Variants in ACSL3 observed in about 807,000 individuals in gnomAD.
ACSL3 encodes the protein acyl-CoA synthetase long chain family member 3, also known as fatty acid CoA ligase Acsl3.
Under a neutral mutation model 84.7 loss-of-function variants are expected in ACSL3, and 34 were observed. The ratio of observed to expected loss-of-function variants is 0.40; its 90% confidence interval spans 0.31 to 0.53. The LOEUF (loss-of-function observed/expected upper bound fraction) is 0.53. Ranked by LOEUF, ACSL3 falls within the 20% of genes least tolerant of loss-of-function variation. The probability of loss-of-function intolerance (pLI) is 0.48; values close to 1 mark genes in which losing one functional copy is unlikely to be tolerated. For synonymous variants in ACSL3, 315 were observed against 299.4 expected (o/e 1.05, Z -0.54); for missense variants, 680 against 873.1 (o/e 0.78, Z 2.79).
chr2:222,861,671 C>T (rs911875965), intron 1 of ACSL3: 4 of 152,246 alleles, frequency 2.6e-5, no homozygotes, highest in Admixed American at 2.0e-4. Context: ...GAGACTCAGC[C>T]CTGCGATTTC....
intron 8 of ACSL3, 147 bp downstream of exon 8, chr2:222,921,577 T>C (rs961576218): frequency 1.4e-5 from 10 of 720,706 alleles, no homozygotes; most frequent in Admixed American, 5.9e-5. Context: ...AAAAAGGACA[T>C]TAAAATTAAT....
chr2:222,880,474 T>A (rs1387073594), intron 1 of ACSL3, among the ~76,000 whole-genome samples: 1 of 152,140 alleles, frequency 6.6e-6, no homozygotes, highest in African/African-American at 2.4e-5. Context: ...AACTTGCGTT[T>A]GCTATTGTGA....
At chr2:222,932,087 A>G (rs1044098788) in intron 14 of ACSL3, among the ~76,000 whole-genome samples, 4 of 152,214 alleles carry the variant, frequency 2.6e-5, no homozygotes, top group African/African-American at 7.2e-5. Flanking sequence ...CTCACTTGCA[A>G]GAATTTTTTC....
chr2:222,938,941 A>G (rs1160634597), intron 16 of ACSL3, among the ~76,000 whole-genome samples: 3 of 151,770 alleles, frequency 2.0e-5, no homozygotes, highest in African/African-American at 7.3e-5. Context: ...TTGGTTCCAG[A>G]ATTTCTATTT....
At chr2:222,867,752 G>A (rs768318926) in intron 1 of ACSL3, among the ~76,000 whole-genome samples, 18 of 151,860 alleles carry the variant, frequency 1.2e-4, no homozygotes, top group Non-Finnish European at 1.8e-4. Context: ...CATTATTACC[G>A]TTAAGTATTA....
At chr2:222,937,203 G>A (rs200955788) in intron 16 of ACSL3, among the ~76,000 whole-genome samples, 1 of 5,422 alleles carries the variant, frequency 1.8e-4, no homozygotes, top group Non-Finnish European at 2.7e-4. Flanking sequence ...AAATGGTATT[G>A]TTTTCTTAAT....
chr2:222,919,387 T>C (rs1574555407), intron 7 of ACSL3, 185 bp downstream of exon 7: 1 of 468,470 alleles, frequency 2.1e-6, no homozygotes, highest in Non-Finnish European at 3.6e-6. Context: ...AGGAAAAATA[T>C]AAACATTAAT....
chr2:222,862,707 T>C lies in ACSL3; in HGVS notation c.-207+1449T>C, dbSNP rs1317278542. ...TAGACTTTTCCTGGTTTCTCTTTTG[T>C]ATAAAAATATTGGTTTTGTAGGATG... On this transcript the variant is annotated intron_variant, in intron 1 of 16. Coordinates refer to ENST00000357430, the MANE Select transcript of ACSL3 (RefSeq NM_004457.5). 9.2e-5 allele frequency among the ~76,000 whole-genome samples: 9 copies of C among 98,168 alleles called. No homozygotes were observed. The East Asian group carries it at 1.8e-3, about 20-fold the overall frequency. 64.4% of individuals were successfully genotyped at this position (98,168 alleles called of 152,430 possible). A position where few individuals can be genotyped will look rare whatever the true frequency, so the allele number is the denominator to read the frequency against.
At chr2:222,861,742 G>A (rs2106074797) in intron 1 of ACSL3, 1 of 152,566 alleles carries the variant, frequency 6.6e-6, no homozygotes, top group South Asian at 2.1e-4. Context: ...GAAGAAACTA[G>A]GTGCGTGAGG....
intron 13 of ACSL3, 51 bp downstream of exon 13, chr2:222,928,987 G>GAAAATTA (rs1162586858): frequency 7.0e-7 from 1 of 1,438,384 alleles, no homozygotes; most frequent in African/African-American, 1.4e-5. Context: ...TATTAAACTT[G>GAAAATTA]AAAATTAGTG....
intron 3 of ACSL3, among the ~76,000 whole-genome samples, chr2:222,904,084 C>A (rs1696229768): frequency 2.6e-5 from 4 of 152,168 alleles, no homozygotes; most frequent in African/African-American, 7.2e-5. Flanking sequence ...AGACCAGCCT[C>A]AACATGGAGA....
chr2:222,882,551 A>G lies in ACSL3; in HGVS notation c.-206-5279A>G, dbSNP rs931904355. ...GGCATTAGATTCTCATAAGGAGCGGACAATCTAGAACCCTTGCATGCCGAA... is the reference window on the plus strand; with the variant it reads ...GGCATTAGATTCTCATAAGGAGCGGGCAATCTAGAACCCTTGCATGCCGAA... On this transcript the variant is annotated intron_variant, in intron 1 of 16. Coordinates refer to ENST00000357430, the MANE Select transcript of ACSL3 (RefSeq NM_004457.5). 2.6e-5 allele frequency among the ~76,000 whole-genome samples: 4 copies of G among 152,098 alleles called. No individual in the cohort carries two copies. In the South Asian group the frequency reaches 8.3e-4, roughly 32 times the overall value.
At chr2:222,939,721 C>T (rs1026046259) in intron 16 of ACSL3, among the ~76,000 whole-genome samples, 1 of 152,174 alleles carries the variant, frequency 6.6e-6, no homozygotes, top group African/African-American at 2.4e-5. Flanking sequence ...TGGTTTCCTT[C>T]TGTCCCGGAG....
Position 222,924,560 on chromosome 2 carries a change from G to T in ACSL3, c.1257G>T (p.Gln419His), listed in dbSNP as rs746410274. Residue 419 changes from glutamine to histidine, a missense_variant, in exon 11 of 17, where the codon CAG becomes CAT. Physicochemically the swap from Gln to His is conservative, Grantham distance 24. Around this residue, in one of 2 missense-constraint regions of ACSL3, gnomAD observed 347 missense variants for 525.7 expected, o/e 0.66. Coordinates refer to ENST00000357430, the MANE Select transcript of ACSL3 (RefSeq NM_004457.5). Reference sequence around the variant, plus strand: ...TGGCCTATAATTACAAAATGGAACAGATTTCAAAAGGACGTAATACTCCAC... The same window carrying T: ...TGGCCTATAATTACAAAATGGAACATATTTCAAAAGGACGTAATACTCCAC... ...FILAYNYKME[Q>H]ISKGRNTPLC... 4 of 1,609,706 alleles carry T rather than the reference G, an allele frequency of 2.5e-6. No individual in the cohort carries two copies. The East Asian group carries it at 9.0e-5, about 36-fold the overall frequency.
rs189304137 is a variant in ACSL3, at chr2:222,929,242, T to G, written c.1540+306T>G. Among the ~76,000 whole-genome samples the G allele has an allele frequency of 1.6e-4, 25 of 152,332 alleles. No individual in the cohort carries two copies. In the East Asian group the frequency reaches 4.4e-3, roughly 27 times the overall value. ...AAATTAGGAGTGATCATAACTTTAT[T>G]TTGCAGAAGTAAAATTATAAAATTT... On this transcript the variant is annotated intron_variant, in intron 13 of 16. Coordinates refer to ENST00000357430, the MANE Select transcript of ACSL3 (RefSeq NM_004457.5).
intron 14 of ACSL3, among the ~76,000 whole-genome samples, chr2:222,932,240 G>T (rs969857813): frequency 6.6e-5 from 10 of 152,196 alleles, no homozygotes; most frequent in African/African-American, 2.4e-4. Flanking sequence ...TCACCTGCCT[G>T]GTACTAATGG....
chr2:222,887,481 A>C (rs965084097), intron 1 of ACSL3, among the ~76,000 whole-genome samples: 2 of 152,286 alleles, frequency 1.3e-5, no homozygotes, highest in Non-Finnish European at 2.9e-5. Context: ...GAGTATGTTT[A>C]GTTTTATATG....
chr2:222,862,295 G>C (rs372652521), intron 1 of ACSL3, among the ~76,000 whole-genome samples: 4 of 152,188 alleles, frequency 2.6e-5, no homozygotes, highest in African/African-American at 9.7e-5. Context: ...GCTTGCCTCA[G>C]ATCTCAGCTA....
intron 16 of ACSL3, among the ~76,000 whole-genome samples, chr2:222,940,876 C>G (rs148734576): frequency 0.011 from 1,623 of 152,056 alleles, 15 homozygotes; most frequent in African/African-American, 0.024. Context: ...ATTGGATACC[C>G]TATTAGATAC....
Sources: gnomAD v4.1 joint callset for allele counts (sites outside exome capture counted in the v4.1 genomes callset) on GRCh38, gnomAD v4.1.1 for gene constraint, gnomAD v4.1.1 regional missense constraint, MANE v1.5 for transcripts, NCBI Gene and HGNC (gene_info 2026-07-23, HGNC 2026-07-21) for gene names.